The following TCF12 variants were observed in gnomAD, a reference collection of about 807,000 sequenced individuals.
TCF12 encodes the protein transcription factor 12, also known as DNA-binding protein HTF4.
A neutral mutation model predicts 86.0 loss-of-function variants in TCF12; 45 were observed. The ratio of observed to expected loss-of-function variants is 0.52; its 90% CI spans 0.41 to 0.67. The LOEUF (loss-of-function observed/expected upper bound fraction) is 0.67, where lower values mean the gene tolerates loss of function less well. TCF12 is among the 30% of genes least tolerant of loss of function. The pLI is 0.00. For missense variants in TCF12, 881 were observed against 859.9 expected (o/e 1.02, Z -0.31); for synonymous variants, 330 against 299.6 (o/e 1.10, Z -1.05).
At chr15:57,075,759 TTTC>T (rs1374684158) in intron 4 of TCF12, among the ~76,000 whole-genome samples, 5 of 49,956 alleles carry the variant, frequency 1.0e-4, no homozygotes, top group Non-Finnish European at 8.4e-5. Context: ...TGAGGTTTCT[TTTC>T]TTTCTTTCTT....
At chr15:57,133,464 C>T (rs2052292204) in intron 5 of TCF12, among the ~76,000 whole-genome samples, 1 of 152,234 alleles carries the variant, frequency 6.6e-6, no homozygotes, top group Non-Finnish European at 1.5e-5. Flanking sequence ...AGCCTGCCCC[C>T]TCCGAGGTCC....
intron 7 of TCF12, among the ~76,000 whole-genome samples, chr15:57,193,666 G>A (rs558138123): frequency 7.9e-5 from 12 of 152,222 alleles, no homozygotes; most frequent in African/African-American, 2.6e-4. Context: ...TTTTTTTATT[G>A]CACAGGCATT....
At position 57,249,089 on chromosome 15, in the gene TCF12, T is replaced by C. The variant is rs1597623300; in HGVS notation, c.1115-2261T>C. 2.0e-5 allele frequency among the ~76,000 whole-genome samples: 3 copies of C among 152,320 alleles called. No homozygotes were observed. The South Asian group carries it at 6.2e-4, about 32-fold the overall frequency. On this transcript the variant is annotated intron_variant, in intron 13 of 20. Coordinates refer to ENST00000333725, the MANE Select transcript of TCF12 (RefSeq NM_207037.2). Reference sequence around the variant, plus strand: ...TTAAGATAAATTCTTTTTTAATAATTAAAGGTATTTTTCAAAATCGATTAT... The same window carrying C: ...TTAAGATAAATTCTTTTTTAATAATCAAAGGTATTTTTCAAAATCGATTAT...
chr15:57,243,622 A>G lies in TCF12; in HGVS notation c.1114+72A>G, dbSNP rs946793297. 1.3e-5 allele frequency: 17 copies of G among 1,313,004 alleles called. No individual in the cohort carries two copies. The African/African-American group carries it at 2.5e-4, about 19-fold the overall frequency. The allele number at this position is 1,313,004 out of a possible 1,614,324, so 81.3% of individuals were successfully genotyped here. The stretch of plus-strand genomic sequence containing the variant: ...ATATTTCTAGTTCATTTATTTCTCA[A>G]CAAACTTTAATAAAAATTTGTGAAA... On this transcript the variant is annotated intron_variant, in intron 13 of 20. Coordinates refer to ENST00000333725, the MANE Select transcript of TCF12 (RefSeq NM_207037.2).
intron 13 of TCF12, among the ~76,000 whole-genome samples, chr15:57,246,030 AG>A (rs2059844082): frequency 6.6e-6 from 1 of 151,768 alleles, no homozygotes; most frequent in Non-Finnish European, 1.5e-5. Flanking sequence ...GGAAAAAAAA[AG>A]GAAAAGAACA....
chr15:56,920,126 C>G (rs2059715572), intron 2 of TCF12, 138 bp downstream of exon 2: 5 of 898,096 alleles, frequency 5.6e-6, no homozygotes, highest in African/African-American at 1.7e-5. Flanking sequence ...TCTGCTTAAG[C>G]AGTAGTTCTC....
At chr15:57,250,431 G>A (rs1317196950) in intron 13 of TCF12, among the ~76,000 whole-genome samples, 3 of 152,104 alleles carry the variant, frequency 2.0e-5, no homozygotes, top group Admixed American at 6.5e-5. Context: ...TAGTGGCTAA[G>A]CAAATTAGGT....
At position 57,252,711 on chromosome 15, in the gene TCF12, T is replaced by G. The variant is rs1032435729; in HGVS notation, c.1260+219T>G. On this transcript the variant is annotated intron_variant, in intron 15 of 20. Coordinates refer to ENST00000333725, the MANE Select transcript of TCF12 (RefSeq NM_207037.2). ...TACTGGCATGTGCTTTTGATTTTTT[T>G]AATTCTAATATGTTTGTGTATGGGG... is the stretch of plus-strand genomic sequence containing the variant. Among the ~76,000 whole-genome samples, 3 of 152,332 alleles carry G rather than the reference T, an allele frequency of 2.0e-5. 1 individual carries two copies. In the South Asian group the frequency reaches 6.2e-4, roughly 32 times the overall value.
chr15:57,228,109 C>G (rs1199548571), intron 8 of TCF12, among the ~76,000 whole-genome samples: 1 of 151,922 alleles, frequency 6.6e-6, no homozygotes, highest in Non-Finnish European at 1.5e-5. Flanking sequence ...GAGAGACTTG[C>G]TCTTTTTGTG....
intron 3 of TCF12, among the ~76,000 whole-genome samples, chr15:56,922,727 A>C (rs531744888): frequency 1.3e-5 from 2 of 152,132 alleles, no homozygotes; most frequent in South Asian, 4.1e-4. Flanking sequence ...TTTTGTTTTA[A>C]ATGCTACAAA....
chr15:57,007,872 T>A (rs957862763), intron 3 of TCF12, among the ~76,000 whole-genome samples: 1 of 64,412 alleles, frequency 1.6e-5, no homozygotes, highest in Non-Finnish European at 3.0e-5. Flanking sequence ...CTTCCTTCCT[T>A]CCTTCCTTCC....
At chr15:56,962,977 G>A (rs1246489419) in intron 3 of TCF12, among the ~76,000 whole-genome samples, 6 of 145,042 alleles carry the variant, frequency 4.1e-5, no homozygotes, top group Admixed American at 4.1e-4. Flanking sequence ...AAATCTATGA[G>A]TTTTCCTGGA....
rs184846931 is a variant in TCF12 at position 56,986,394 on chromosome 15, C to T, written c.148+65296C>T. ...CTACTTTTTGAAATAAAACTTTACACTTATAGGCTTTTATGTATGATCTGT... is the reference window on the plus strand; with the variant it reads ...CTACTTTTTGAAATAAAACTTTACATTTATAGGCTTTTATGTATGATCTGT... On this transcript the variant is annotated intron_variant, in intron 3 of 20. Coordinates refer to ENST00000333725, the MANE Select transcript of TCF12 (RefSeq NM_207037.2). Among the ~76,000 whole-genome samples the T allele has an allele frequency of 3.3e-5, 5 of 152,142 alleles. No individual in the cohort carries two copies. The East Asian group carries it at 7.7e-4, about 23-fold the overall frequency.
At position 57,286,804 on chromosome 15, in the gene TCF12, T is replaced by C. The variant is rs2061949820; in HGVS notation, c.*659T>C. 1 of 378,596 alleles carries C rather than the reference T, an allele frequency of 2.6e-6. No homozygotes were observed. Among genetic ancestry groups the C allele is most frequent in the Non-Finnish European group, 5.2e-6 (1 of 193,610 alleles). 23.5% of individuals were successfully genotyped at this position (378,596 alleles called of 1,614,324 possible). ...CTCTTGCTCTCATTTTTTGATTTAT[T>C]TTTATTTTCTCTTTGTGGGTGTTAT... On this transcript the variant is annotated 3_prime_UTR_variant, in exon 21 of 21. Coordinates refer to ENST00000333725, the MANE Select transcript of TCF12 (RefSeq NM_207037.2).
chr15:57,146,689 T>C (rs1306240828), intron 5 of TCF12, among the ~76,000 whole-genome samples: 2 of 152,208 alleles, frequency 1.3e-5, no homozygotes, highest in African/African-American at 4.8e-5. Context: ...TAGTTAATCA[T>C]GAAAGCTTAA....
In TCF12 at chr15:57,232,428, T is replaced by C; in HGVS notation, c.823T>C (p.Leu275=). The part of the protein sequence containing the change: ...SYGNLHSHDR[L]SYPPHSVSPT... Reference sequence around the variant, plus strand: ...TGGCAACCTTCATTCACATGACCGCTTGGTAGGCTATAACACGTGACTAGG... The same window carrying C: ...TGGCAACCTTCATTCACATGACCGCCTGGTAGGCTATAACACGTGACTAGG... Residue 275 remains leucine (L), a splice_region_variant and synonymous_variant, in exon 10 of 21, where the codon TTG becomes CTG. Coordinates refer to ENST00000333725, the MANE Select transcript of TCF12 (RefSeq NM_207037.2). 6.2e-7 allele frequency: 1 copy of C among 1,604,016 alleles called. No individual in the cohort carries two copies. The highest frequency in any genetic ancestry group is 1.1e-5 in the South Asian group (1 of 88,906).
At chr15:57,285,079 T>C (rs1425730881) in intron 20 of TCF12, among the ~76,000 whole-genome samples, 1 of 152,232 alleles carries the variant, frequency 6.6e-6, no homozygotes, top group Non-Finnish European at 1.5e-5. Flanking sequence ...TTCATAAAGA[T>C]AGTTATCTGG....
intron 3 of TCF12, among the ~76,000 whole-genome samples, chr15:56,956,540 C>T (rs1284626194): frequency 1.3e-5 from 2 of 152,160 alleles, no homozygotes; most frequent in African/African-American, 4.8e-5. Flanking sequence ...TCTTGTACTT[C>T]AACAACTTTA....
At chr15:57,141,512 A>G (rs1480838955) in intron 5 of TCF12, among the ~76,000 whole-genome samples, 6 of 151,836 alleles carry the variant, frequency 4.0e-5, no homozygotes, top group Non-Finnish European at 7.4e-5. Context: ...ACCACGCCCA[A>G]CTAATTTTGT....
Sources: gnomAD v4.1 joint callset for allele counts (sites outside exome capture counted in the v4.1 genomes callset) on GRCh38, gnomAD v4.1.1 for gene constraint, MANE v1.5 for transcripts, NCBI Gene and HGNC (gene_info 2026-07-23, HGNC 2026-07-21) for gene names.